Variants in MOB1B observed in about 807,000 individuals in gnomAD.
MOB1B encodes the protein MOB kinase activator 1B.
In MOB1B, 19 loss-of-function variants were observed where a neutral mutation model predicts 24.4. The observed-to-expected ratio is 0.78, with a 90% confidence interval of 0.54 to 1.14. The LOEUF (loss-of-function observed/expected upper bound fraction) is 1.14, where lower values mean the gene tolerates loss of function less well. Ranked by LOEUF, MOB1B falls within the 50% of genes most tolerant of loss-of-function variation. The pLI is 0.00. For missense variants in MOB1B, 243 were observed against 259.6 expected, an observed-to-expected ratio of 0.94 and a Z score of 0.44; for synonymous variants, 76 against 82.1, an observed-to-expected ratio of 0.93 and a Z score of 0.40.
chr4:70,936,103 G>T (rs867552956), intron 1 of MOB1B, among the ~76,000 whole-genome samples: 3 of 151,738 alleles, frequency 2.0e-5, no homozygotes, highest in South Asian at 2.1e-4. Flanking sequence ...CGCCCGCCTC[G>T]GCCTCCCAAA....
chr4:70,922,421 C>T (rs752014671), intron 1 of MOB1B, among the ~76,000 whole-genome samples: 5 of 152,122 alleles, frequency 3.3e-5, no homozygotes, highest in African/African-American at 4.8e-5. Context: ...AACATTGGTT[C>T]GTTCCAGAAA....
chr4:70,960,545 G>A (rs956744077), intron 2 of MOB1B, among the ~76,000 whole-genome samples: 3 of 151,976 alleles, frequency 2.0e-5, no homozygotes, highest in Non-Finnish European at 4.4e-5. Flanking sequence ...TTTATAAATT[G>A]AGCTGCCCCC....
Position 70,987,895 on chromosome 4 carries a change from G to C in MOB1B, c.*5838G>C, listed in dbSNP as rs1739431703. 1 of 152,572 alleles carries C rather than the reference G, an allele frequency of 6.6e-6. No individual in the cohort carries two copies. The highest frequency in any genetic ancestry group is 2.4e-5 in the African/African-American group (1 of 41,430). 9.5% of individuals were successfully genotyped at this position (152,572 alleles called of 1,614,324 possible). A position where few individuals can be genotyped will look rare whatever the true frequency, so the allele number is the denominator to read the frequency against. The stretch of plus-strand genomic sequence containing the variant: ...GAAGGGGAAAAATCATCTAAGTTAT[G>C]AAATCCAACATAGGCGCTATATTAC... On this transcript the variant is annotated 3_prime_UTR_variant, in exon 6 of 6. Transcript: ENST00000309395.
chr4:70,915,052 T>C (rs1265346534), intron 1 of MOB1B, among the ~76,000 whole-genome samples: 3 of 152,254 alleles, frequency 2.0e-5, no homozygotes, highest in East Asian at 3.8e-4. Flanking sequence ...ATTGGACTTA[T>C]GTGCGACAGT....
chr4:70,912,846 G>A (rs1002044981), intron 1 of MOB1B, among the ~76,000 whole-genome samples: 1 of 151,998 alleles, frequency 6.6e-6, no homozygotes, highest in Non-Finnish European at 1.5e-5. Flanking sequence ...CTGCAGCCTC[G>A]ACTTCCTAGG....
intron 1 of MOB1B, among the ~76,000 whole-genome samples, chr4:70,927,291 CACT>C (rs1736694137): frequency 6.6e-6 from 1 of 152,150 alleles, no homozygotes. Context: ...GTAATCCCAG[CACT>C]TTGGGAGGCT....
rs187169384 is a variant in MOB1B at position 70,951,676 on chromosome 4, T to C, written c.15-7198T>C. Among the ~76,000 whole-genome samples, 36 of 152,320 alleles carry C rather than the reference T, an allele frequency of 2.4e-4. No individual in the cohort carries two copies. The East Asian group carries it at 4.4e-3, about 19-fold the overall frequency. ...ACTTTGGGAGGCCAAGATGAGGGGA[T>C]TGCTTGAGCCTAGCAGTTCGAGACC... On this transcript the variant is annotated intron_variant, in intron 1 of 5. Transcript: ENST00000309395.
chr4:70,986,221 A>T lies in MOB1B; in HGVS notation c.*4164A>T, dbSNP rs1257487938. ...ATGGATACTATGGAAAAGTGGATCC[A>T]ATATTTAAGATAGAAGTAGTTTAAG... On this transcript the variant is annotated 3_prime_UTR_variant, in exon 6 of 6. Transcript: ENST00000309395. 1 of 152,166 alleles carries T rather than the reference A, an allele frequency of 6.6e-6. No individual in the cohort carries two copies. The highest frequency in any genetic ancestry group is 1.9e-4 in the East Asian group (1 of 5,200). The allele number at this position is 152,166 out of a possible 1,614,324, so 9.4% of individuals were successfully genotyped here.
In MOB1B at chr4:70,982,609, G is replaced by A. The variant is rs938213632; in HGVS notation, c.*552G>A. On this transcript the variant is annotated 3_prime_UTR_variant, in exon 6 of 6. Transcript: ENST00000309395. Reference sequence around the variant, plus strand: ...GATTTCCAGCCTTTACTGCTTTGAAGAAACAGAATTTGTAAAGGTATGCAT... The same window carrying A: ...GATTTCCAGCCTTTACTGCTTTGAAAAAACAGAATTTGTAAAGGTATGCAT... The A allele has an allele frequency of 2.0e-5, 3 of 152,540 alleles. No homozygotes were observed. The highest frequency in any genetic ancestry group is 1.3e-4 in the Admixed American group (2 of 15,262). 9.4% of individuals were successfully genotyped at this position (152,540 alleles called of 1,614,324 possible).
chr4:70,909,655 A>G (rs888686137), intron 1 of MOB1B, among the ~76,000 whole-genome samples: 6 of 152,200 alleles, frequency 3.9e-5, no homozygotes, highest in Non-Finnish European at 7.3e-5. Flanking sequence ...AATTTTATCA[A>G]AATCATGTGG....
intron 1 of MOB1B, among the ~76,000 whole-genome samples, chr4:70,910,542 A>G (rs1466504320): frequency 2.0e-5 from 3 of 151,914 alleles, no homozygotes; most frequent in African/African-American, 7.2e-5. Flanking sequence ...GTTACCAGGC[A>G]TTATTGTCTC....
intron 1 of MOB1B, among the ~76,000 whole-genome samples, chr4:70,935,763 C>T (rs1370231893): frequency 6.6e-6 from 1 of 151,846 alleles, no homozygotes; most frequent in Non-Finnish European, 1.5e-5. Flanking sequence ...GCAACTTCTG[C>T]CTCCTGAGCT....
chr4:70,912,443 C>G (rs536740343), intron 1 of MOB1B, among the ~76,000 whole-genome samples: 9 of 152,108 alleles, frequency 5.9e-5, no homozygotes, highest in African/African-American at 2.2e-4. Flanking sequence ...CCACACCCAG[C>G]TAATTTTTAT....
chr4:70,975,656 T>TA, intron 4 of MOB1B: 1 of 953,968 alleles, frequency 1.0e-6, no homozygotes, highest in Non-Finnish European at 1.2e-6. Flanking sequence ...TTTAACACTT[T>TA]AAAAAAATTA....
intron 1 of MOB1B, among the ~76,000 whole-genome samples, chr4:70,903,322 C>G (rs1735596566): frequency 6.6e-6 from 1 of 152,192 alleles, no homozygotes. Flanking sequence ...TAAATGCCAA[C>G]TTTGGCGTCA....
rs1421338299 is a variant in MOB1B at position 70,902,562 on chromosome 4, G to A, written c.14+12G>A. 1 of 1,555,012 alleles carries A rather than the reference G, an allele frequency of 6.4e-7. No homozygotes were observed. The highest frequency in any genetic ancestry group is 1.4e-5 in the African/African-American group (1 of 73,510). On this transcript the variant is annotated intron_variant, in intron 1 of 5. Transcript: ENST00000309395. ...ATGAGCTTCTTGTTGTGAGTAGCCAGGCCCCGCACGCGCCGGCTTTGTTCG... is the reference window on the plus strand; with the variant it reads ...ATGAGCTTCTTGTTGTGAGTAGCCAAGCCCCGCACGCGCCGGCTTTGTTCG...
Position 70,982,131 on chromosome 4 carries a change from GT to G in MOB1B, c.*79del. ...TGTATTGGGGATTTTGTTATATTTT[GT>G]TTTTATCTGGATTGTTTTTGTCCTA... On this transcript the variant is annotated 3_prime_UTR_variant, in exon 6 of 6. Transcript: ENST00000309395. 2 of 1,132,594 alleles carry G rather than the reference GT, an allele frequency of 1.8e-6. No homozygotes were observed. The highest frequency in any genetic ancestry group is 2.6e-6 in the Non-Finnish European group (2 of 769,070). 70.2% of individuals were successfully genotyped at this position (1,132,594 alleles called of 1,614,324 possible). A position where few individuals can be genotyped will look rare whatever the true frequency, so the allele number is the denominator to read the frequency against.
At chr4:70,934,745 C>G (rs1737017236) in intron 1 of MOB1B, among the ~76,000 whole-genome samples, 1 of 151,998 alleles carries the variant, frequency 6.6e-6, no homozygotes, top group Non-Finnish European at 1.5e-5. Flanking sequence ...TGTGAGCCAC[C>G]CCACCCAGCC....
intron 2 of MOB1B, among the ~76,000 whole-genome samples, chr4:70,968,947 A>G (rs1738647996): frequency 6.6e-6 from 1 of 152,120 alleles, no homozygotes; most frequent in South Asian, 2.1e-4. Context: ...TCCCATAGCA[A>G]TAACCAGTTG....
Sources: gnomAD v4.1 joint callset for allele counts (sites outside exome capture counted in the v4.1 genomes callset) on GRCh38, gnomAD v4.1.1 for gene constraint, MANE v1.5 for transcripts, NCBI Gene and HGNC (gene_info 2026-07-23, HGNC 2026-07-21) for gene names.